Variants in PRKCE observed in about 807,000 individuals in gnomAD.
PRKCE encodes the protein protein kinase C epsilon.
A neutral mutation model predicts 85.4 loss-of-function variants in PRKCE; 16 were observed. That is an observed-to-expected ratio of 0.19 (90% CI 0.13 to 0.28). The LOEUF (loss-of-function observed/expected upper bound fraction) is 0.28. Ranked by LOEUF, PRKCE falls within the 10% of genes least tolerant of loss-of-function variation. The pLI is 1.00. For missense variants in PRKCE, 573 were observed against 975.2 expected, an observed-to-expected ratio of 0.59 and a Z score of 5.49; for synonymous variants, 388 against 371.5, an observed-to-expected ratio of 1.04 and a Z score of -0.51.
Position 46,116,101 on chromosome 2 carries a change from G to A in PRKCE, c.1593-28992G>A, listed in dbSNP as rs577481556. On this transcript the variant is annotated intron_variant, in intron 11 of 14. Coordinates refer to ENST00000306156, the MANE Select transcript of PRKCE (RefSeq NM_005400.3). ...ACAGATGTAATGCTTGCTTAGTCTC[G>A]AAATGTTTCGTTTTTATTAGTCTTG... Among the ~76,000 whole-genome samples, 7 of 152,252 alleles carry A rather than the reference G, an allele frequency of 4.6e-5. No individual in the cohort carries two copies. The East Asian group carries it at 1.4e-3, about 29-fold the overall frequency.
At chr2:45,988,979 C>G (rs1703574819) in intron 6 of PRKCE, among the ~76,000 whole-genome samples, 1 of 152,190 alleles carries the variant, frequency 6.6e-6, no homozygotes, top group Non-Finnish European at 1.5e-5. Context: ...TTGCAGTTTC[C>G]TTCTCTAGAG....
At chr2:46,109,603 C>T (rs978244460) in intron 11 of PRKCE, among the ~76,000 whole-genome samples, 9 of 151,930 alleles carry the variant, frequency 5.9e-5, no homozygotes, top group Admixed American at 1.3e-4. Context: ...AGTTTTTTGT[C>T]GATGATTTTG....
rs1374214150 is a variant in PRKCE, at chr2:46,155,549, C to T, written c.1921-4057C>T. On this transcript the variant is annotated intron_variant, in intron 13 of 14. Transcript: ENST00000306156. The surrounding 1 kb of genome is among the most constrained non-coding windows in gnomAD (Gnocchi z 4.7). ...CTTCCAGCCTCCAGGCCTGTGTTTC[C>T]AGTTCCCTACTCACTTTCTCCCTTC... is the stretch of plus-strand genomic sequence containing the variant. 1.3e-5 allele frequency among the ~76,000 whole-genome samples: 2 copies of T among 152,138 alleles called. No homozygotes were observed. Among genetic ancestry groups the T allele is most frequent in the Non-Finnish European group, 2.9e-5 (2 of 68,022 alleles).
At chr2:45,663,820 G>A (rs1361138891) in intron 1 of PRKCE, among the ~76,000 whole-genome samples, 2 of 151,900 alleles carry the variant, frequency 1.3e-5, no homozygotes, top group African/African-American at 4.8e-5. Context: ...GCAGTTTTTA[G>A]CATTTTGTGT....
At chr2:46,017,360 C>T (rs1008217254) in intron 10 of PRKCE, among the ~76,000 whole-genome samples, 1 of 152,350 alleles carries the variant, frequency 6.6e-6, no homozygotes, top group East Asian at 1.9e-4. Flanking sequence ...CCTCAAGGTT[C>T]ATCCATGATG....
intron 1 of PRKCE, among the ~76,000 whole-genome samples, chr2:45,692,344 C>A (rs1448498174): frequency 1.3e-5 from 2 of 152,084 alleles, no homozygotes; most frequent in Non-Finnish European, 2.9e-5. Context: ...TCATTTCCAC[C>A]TTCTGGTAGC....
At position 46,001,990 on chromosome 2, in the gene PRKCE, T is replaced by C. The variant is rs1043405594; in HGVS notation, c.966+444T>C. ...TTTCTAGGGAGGAAGCCAAGATGAT[T>C]TGTGATCATACCAGCACTGAGCTGC... On this transcript the variant is annotated intron_variant, in intron 7 of 14. Coordinates refer to ENST00000306156, the MANE Select transcript of PRKCE (RefSeq NM_005400.3). This position sits in a 1 kb window ranked among gnomAD's most constrained non-coding sequence, Gnocchi z 4.4. Among the ~76,000 whole-genome samples the C allele has an allele frequency of 1.3e-5, 2 of 152,174 alleles. No individual in the cohort carries two copies. Among genetic ancestry groups the C allele is most frequent in the African/African-American group, 4.8e-5 (2 of 41,446 alleles).
intron 1 of PRKCE, among the ~76,000 whole-genome samples, chr2:45,764,165 G>T (rs925189810): frequency 6.6e-6 from 1 of 152,116 alleles, no homozygotes; most frequent in African/African-American, 2.4e-5. Flanking sequence ...ACAATAAGAA[G>T]AATTGTTTTT....
At chr2:45,984,456 G>C (rs576028321) in intron 5 of PRKCE, 95 bp from the exon 6 acceptor site, 1 of 1,523,588 alleles carries the variant, frequency 6.6e-7, no homozygotes, top group Admixed American at 1.8e-5. Context: ...AATGACACAA[G>C]CTCTCTTGGA....
intron 14 of PRKCE, among the ~76,000 whole-genome samples, chr2:46,168,515 A>T (rs1558523790): frequency 6.6e-6 from 1 of 152,220 alleles, no homozygotes. Context: ...ATATTCAACA[A>T]GTGTTTGTTG....
intron 10 of PRKCE, among the ~76,000 whole-genome samples, chr2:46,031,812 A>T (rs974701424): frequency 6.6e-6 from 1 of 152,136 alleles, no homozygotes; most frequent in Non-Finnish European, 1.5e-5. Flanking sequence ...CTCTCAGCCC[A>T]TGACTAGAGA....
intron 2 of PRKCE, among the ~76,000 whole-genome samples, chr2:45,874,187 C>G (rs552714046): frequency 6.6e-6 from 1 of 152,252 alleles, no homozygotes; most frequent in Non-Finnish European, 1.5e-5. Flanking sequence ...AAACTTCCAT[C>G]TCTCACACAC....
At chr2:46,125,077 T>C (rs902075388) in intron 11 of PRKCE, among the ~76,000 whole-genome samples, 1 of 152,232 alleles carries the variant, frequency 6.6e-6, no homozygotes, top group African/African-American at 2.4e-5. Flanking sequence ...CAAATTCTTC[T>C]TTACTGCCAT....
chr2:46,008,402 G>T (rs917971314), intron 9 of PRKCE, among the ~76,000 whole-genome samples: 2 of 152,148 alleles, frequency 1.3e-5, no homozygotes, highest in Non-Finnish European at 2.9e-5. Flanking sequence ...AAGATGAAGG[G>T]GCAGGGAGCA....
intron 10 of PRKCE, among the ~76,000 whole-genome samples, chr2:46,076,043 G>T (rs1668532639): frequency 6.6e-6 from 1 of 152,250 alleles, no homozygotes; most frequent in South Asian, 2.1e-4. Flanking sequence ...TGATGATTCA[G>T]CCTGGACATT....
At chr2:45,793,243 G>A (rs765441677) in intron 1 of PRKCE, among the ~76,000 whole-genome samples, 8 of 152,210 alleles carry the variant, frequency 5.3e-5, no homozygotes, top group South Asian at 2.1e-4. Context: ...GAATTTGGGC[G>A]AATGGGGAAA....
intron 2 of PRKCE, among the ~76,000 whole-genome samples, chr2:45,853,723 A>G (rs182345803): frequency 4.9e-4 from 75 of 152,320 alleles, no homozygotes; most frequent in African/African-American, 1.7e-3. Flanking sequence ...ACTGAGATAA[A>G]CAAGGTGTTT....
At chr2:45,782,809 A>G (rs1393691115) in intron 1 of PRKCE, among the ~76,000 whole-genome samples, 2 of 152,094 alleles carry the variant, frequency 1.3e-5, no homozygotes, top group African/African-American at 4.8e-5. Flanking sequence ...AGAAAAGGGG[A>G]AAAATACTCA....
At chr2:45,750,276 A>T (rs760133263) in intron 1 of PRKCE, among the ~76,000 whole-genome samples, 31 of 152,128 alleles carry the variant, frequency 2.0e-4, no homozygotes, top group African/African-American at 6.7e-4. Context: ...TTGAGCAGTC[A>T]CTCTCTGTTC....
Sources: gnomAD v4.1 joint callset for allele counts (sites outside exome capture counted in the v4.1 genomes callset) on GRCh38, gnomAD v4.1.1 for gene constraint, Gnocchi (gnomAD v3.1) non-coding constraint, MANE v1.5 for transcripts, NCBI Gene and HGNC (gene_info 2026-07-23, HGNC 2026-07-21) for gene names.